The following UNC13C variants were observed in gnomAD, a reference collection of about 807,000 sequenced individuals.
UNC13C encodes unc-13 homolog C.
Under a neutral mutation model 245.4 loss-of-function variants are expected in UNC13C, and 174 were observed. The observed-to-expected ratio is 0.71, with a 90% CI of 0.63 to 0.80. UNC13C has a LOEUF of 0.80. Among genes scored for constraint, UNC13C ranks in the 30% least tolerant of loss-of-function variants. UNC13C has a pLI of 0.00. For missense variants in UNC13C, 2,829 were observed against 2,602.9 expected (o/e 1.09, Z -1.89); for synonymous variants, 992 against 895.1 (o/e 1.11, Z -1.93).
chr15:53,960,337 T>C, the UNC13C span, among the ~76,000 whole-genome samples: 2 of 133,386 alleles, frequency 1.5e-5, no homozygotes, highest in Non-Finnish European at 1.6e-5. Flanking sequence ...TATATCATGT[T>C]TTTTTTTTTT....
intron 17 of UNC13C, among the ~76,000 whole-genome samples, chr15:54,375,361 C>G (rs1315817192): frequency 2.0e-5 from 3 of 152,156 alleles, no homozygotes; most frequent in Non-Finnish European, 2.9e-5. Flanking sequence ...GTGGTTGGCA[C>G]TAAATTCTAA....
At chr15:54,480,105 T>G (rs1255343838) in intron 19 of UNC13C, among the ~76,000 whole-genome samples, 1 of 152,116 alleles carries the variant, frequency 6.6e-6, no homozygotes, top group Non-Finnish European at 1.5e-5. Flanking sequence ...GAATTCTTTC[T>G]TTGTATTTGA....
intron 18 of UNC13C, among the ~76,000 whole-genome samples, chr15:54,397,135 C>T (rs1217820956): frequency 6.6e-6 from 1 of 151,502 alleles, no homozygotes; most frequent in Non-Finnish European, 1.5e-5. Flanking sequence ...GCTTGCAACA[C>T]AATTTTCTTC....
At chr15:54,071,910 C>T (rs1042270010) in intron 2 of UNC13C, among the ~76,000 whole-genome samples, 1 of 152,132 alleles carries the variant, frequency 6.6e-6, no homozygotes, top group Non-Finnish European at 1.5e-5. Context: ...GTCACGATGT[C>T]TCTTGATATC....
intron 2 of UNC13C, among the ~76,000 whole-genome samples, chr15:54,098,478 C>T (rs914527689): frequency 6.6e-6 from 1 of 152,080 alleles, no homozygotes; most frequent in Admixed American, 6.6e-5. Flanking sequence ...TCCGGCCCCT[C>T]CATAGCTTCT....
At chr15:53,944,502 C>T in the UNC13C span, among the ~76,000 whole-genome samples, 1 of 152,118 alleles carries the variant, frequency 6.6e-6, no homozygotes, top group Non-Finnish European at 1.5e-5. Context: ...CAAGTGAGAA[C>T]ATGTGGCATT....
chr15:54,480,630 C>T (rs868333701), intron 19 of UNC13C, among the ~76,000 whole-genome samples: 1 of 151,710 alleles, frequency 6.6e-6, no homozygotes, highest in Non-Finnish European at 1.5e-5. Flanking sequence ...CTAATTCATT[C>T]GTATTGTTTA....
intron 2 of UNC13C, among the ~76,000 whole-genome samples, chr15:54,112,586 G>A (rs572644065): frequency 6.6e-6 from 1 of 152,314 alleles, no homozygotes; most frequent in South Asian, 2.1e-4. Flanking sequence ...CCCCCAGGTA[G>A]TCTTTTACTA....
intron 10 of UNC13C, among the ~76,000 whole-genome samples, chr15:54,277,410 C>T (rs186670434): frequency 7.3e-4 from 111 of 152,208 alleles, no homozygotes; most frequent in African/African-American, 2.5e-3. Flanking sequence ...CATCTTTTTT[C>T]ACCCTGTCCT....
chr15:54,172,731 T>TATATAA (rs1288178761), intron 4 of UNC13C, among the ~76,000 whole-genome samples: 6 of 67,828 alleles, frequency 8.8e-5, no homozygotes, highest in Non-Finnish European at 1.4e-4. Context: ...TATATATATA[T>TATATAA]ATATATATAT....
At chr15:54,216,302 A>AT (rs1389651886) in intron 4 of UNC13C, among the ~76,000 whole-genome samples, 1 of 151,936 alleles carries the variant, frequency 6.6e-6, no homozygotes, top group Non-Finnish European at 1.5e-5. Flanking sequence ...GGAATATAGC[A>AT]TTTTTTAGGT....
chr15:54,261,541 GT>G (rs1210086535), intron 8 of UNC13C, among the ~76,000 whole-genome samples: 1 of 151,978 alleles, frequency 6.6e-6, no homozygotes, highest in African/African-American at 2.4e-5. Flanking sequence ...GTTTTGTTTT[GT>G]TTTGTTTTGT....
At chr15:54,077,767 T>C (rs1295174947) in intron 2 of UNC13C, among the ~76,000 whole-genome samples, 2 of 152,172 alleles carry the variant, frequency 1.3e-5, no homozygotes, top group Non-Finnish European at 2.9e-5. Context: ...TTTGCTAAAT[T>C]AGAAATTGCC....
At chr15:53,837,919 T>C in the UNC13C span, among the ~76,000 whole-genome samples, 2 of 152,138 alleles carry the variant, frequency 1.3e-5, no homozygotes, top group African/African-American at 4.8e-5. Context: ...TCTGAGTTTT[T>C]AAAAAATCAA....
At chr15:54,200,493 C>G (rs2034488371) in intron 4 of UNC13C, among the ~76,000 whole-genome samples, 2 of 151,824 alleles carry the variant, frequency 1.3e-5, no homozygotes, top group African/African-American at 2.4e-5. Context: ...TCTCAGAACC[C>G]AGTGGAATAA....
At chr15:54,250,749 C>CTTTTTTTTTTTTTT (rs1296024773) in intron 8 of UNC13C, among the ~76,000 whole-genome samples, 7 of 88,868 alleles carry the variant, frequency 7.9e-5, no homozygotes, top group Non-Finnish European at 1.6e-4. Flanking sequence ...TTCTTTCTTT[C>CTTTTTTTTTTTTTT]TTTTTTTTTT....
chr15:54,617,229 C>T (rs928383286), intron 30 of UNC13C, among the ~76,000 whole-genome samples: 2 of 152,018 alleles, frequency 1.3e-5, no homozygotes, highest in Non-Finnish European at 2.9e-5. Flanking sequence ...TAGCTAGGTC[C>T]TATATAAAAG....
Position 54,494,635 on chromosome 15 carries a change from G to A in UNC13C, c.4961G>A (p.Ser1654Asn). The A allele has an allele frequency of 1.2e-6, 2 of 1,609,974 alleles. No homozygotes were observed. The highest frequency in any genetic ancestry group is 1.7e-6 in the Non-Finnish European group (2 of 1,178,142). Residue 1654 changes from serine to asparagine, a missense_variant, in exon 20 of 33, where the codon AGC becomes AAC. Ser to Asn is a conservative substitution (Grantham distance 46). Coordinates refer to ENST00000260323, the MANE Select transcript of UNC13C (RefSeq NM_001080534.3). The stretch of plus-strand genomic sequence containing the variant: ...CATGAAAATCAGCGGTTATGCAAGA[G>A]CACCGATTATATGAATTTGCATTTC... ...EEHENQRLCK[S>N]TDYMNLHFKV...
intron 2 of UNC13C, among the ~76,000 whole-genome samples, chr15:54,089,628 G>A (rs1450395886): frequency 6.7e-6 from 1 of 150,348 alleles, no homozygotes; most frequent in Admixed American, 6.6e-5. Flanking sequence ...AATTAATCCA[G>A]TGAAAGCACT....
Sources: gnomAD v4.1 joint callset for allele counts (sites outside exome capture counted in the v4.1 genomes callset) on GRCh38, gnomAD v4.1.1 for gene constraint, MANE v1.5 for transcripts, NCBI Gene and HGNC (gene_info 2026-07-23, HGNC 2026-07-21) for gene names.